Variants in ITGAL observed in about 807,000 individuals in gnomAD.
ITGAL encodes integrin alpha-L.
A neutral mutation model predicts 138.4 loss-of-function variants in ITGAL; 68 were observed. That is an observed-to-expected ratio of 0.49 (90% confidence interval 0.40 to 0.60). The LOEUF (loss-of-function observed/expected upper bound fraction) is 0.60, where lower values mean the gene tolerates loss of function less well. Ranked by LOEUF, ITGAL falls within the 20% of genes least tolerant of loss-of-function variation. The pLI is 0.00. For synonymous variants in ITGAL, 561 were observed against 584.3 expected, an observed-to-expected ratio of 0.96 and a Z score of 0.57; for missense variants, 1,256 against 1,478.6, an observed-to-expected ratio of 0.85 and a Z score of 2.47.
chr16:30,474,003 A>G (rs2050429648), intron 1 of ITGAL, 193 bp from the exon 2 acceptor site: 1 of 690,834 alleles, frequency 1.4e-6, no homozygotes, highest in Non-Finnish European at 2.6e-6. Flanking sequence ...GGCCCTGGGA[A>G]GAGCTTTCAG....
chr16:30,502,767 A>G (rs2050923573), intron 17 of ITGAL, among the ~76,000 whole-genome samples: 1 of 151,690 alleles, frequency 6.6e-6, no homozygotes. Context: ...AAAAAAATTC[A>G]TATAAGACAG....
chr16:30,476,922 C>T (rs1425544311), intron 4 of ITGAL, among the ~76,000 whole-genome samples: 1 of 152,136 alleles, frequency 6.6e-6, no homozygotes, highest in Admixed American at 6.6e-5. Flanking sequence ...GCATGAGCTA[C>T]CACACCTGGT....
chr16:30,492,657 C>T (rs996770717), intron 11 of ITGAL, among the ~76,000 whole-genome samples: 3 of 144,580 alleles, frequency 2.1e-5, no homozygotes, highest in Non-Finnish European at 3.0e-5. Context: ...CCTGGGTTCA[C>T]GCCATTCTCC....
chr16:30,475,257 T>C (rs371912334), intron 2 of ITGAL, 49 bp from the exon 3 acceptor site: 1 of 1,311,016 alleles, frequency 7.6e-7, no homozygotes, highest in South Asian at 1.2e-5. Context: ...CAGGAGTAGA[T>C]GGGTACAGAT....
rs754571775 is a variant in ITGAL at position 30,504,249 on chromosome 16, G to A, written c.2220G>A (p.Pro740=). 23 of 1,612,756 alleles carry A rather than the reference G, an allele frequency of 1.4e-5. No homozygotes were observed. Among genetic ancestry groups the A allele is most frequent in the Middle Eastern group, 1.6e-4 (1 of 6,080 alleles). The change falls in exon 18 of 31, where the codon CCG becomes CCA. Residue 740 remains proline (P), a synonymous_variant. Transcript: ENST00000356798. The part of the protein sequence containing the change: ...NFSLWEEEGT[P]RDQRAQGKDI... ...CTCTTTGGGAGGAGGAAGGGACACC[G>A]AGGGACCAAAGGGCGGTAAGAAGAG...
chr16:30,520,005 G>A lies in ITGAL; in HGVS notation c.3339+38G>A, dbSNP rs753340062. The A allele has an allele frequency of 7.0e-6, 10 of 1,433,934 alleles. No homozygotes were observed. In the Admixed American group the frequency reaches 1.7e-4, roughly 24 times the overall value. 88.8% of individuals were successfully genotyped at this position (1,433,934 alleles called of 1,614,324 possible). ...GGGGGTCACAGGCATTGCTGAGACA[G>A]CCAGGCTGGGGAAGGGGATCTGGTG... On this transcript the variant is annotated intron_variant, in intron 30 of 30. Transcript: ENST00000356798.
chr16:30,507,590 CTG>C (rs1348290059), intron 21 of ITGAL, among the ~76,000 whole-genome samples: 9 of 151,662 alleles, frequency 5.9e-5, no homozygotes, highest in African/African-American at 2.2e-4. Flanking sequence ...GCAGAGGCTA[CTG>C]TGAGTCAAGA....
intron 21 of ITGAL, among the ~76,000 whole-genome samples, chr16:30,509,018 A>T (rs151049875): frequency 1.4e-3 from 218 of 152,170 alleles, no homozygotes; most frequent in African/African-American, 4.8e-3. Flanking sequence ...CTCTACTAAA[A>T]ATACAAAAAT....
chr16:30,481,345 TAA>T (rs57608894), intron 6 of ITGAL, 92 bp from the exon 7 acceptor site: 91,859 of 445,860 alleles, frequency 0.21, 81 homozygotes, highest in South Asian at 0.25. Context: ...AAACTCCATC[TAA>T]AAAAAAAAAA....
chr16:30,499,713 G>GTGTATATATATATACGTA (rs1274863012), intron 17 of ITGAL, among the ~76,000 whole-genome samples: 2 of 103,226 alleles, frequency 1.9e-5, no homozygotes, highest in African/African-American at 4.5e-5. Context: ...ATATATATAT[G>GTGTATATATATATACGTA]TATATATATA....
chr16:30,510,797 T>G, intron 22 of ITGAL, 84 bp from the exon 23 acceptor site: 43 of 1,102,978 alleles, frequency 3.9e-5, no homozygotes, highest in Non-Finnish European at 5.5e-5. Flanking sequence ...AAGGGGTCCC[T>G]GAGATGATGG....
intron 15 of ITGAL, among the ~76,000 whole-genome samples, chr16:30,497,553 T>C (rs2050820460): frequency 6.6e-6 from 1 of 151,522 alleles, no homozygotes; most frequent in South Asian, 2.1e-4. Context: ...CTTGGCTCAC[T>C]GTAACCTCCA....
intron 6 of ITGAL, 94 bp from the exon 7 acceptor site, chr16:30,481,345 T>TAAAAA (rs57608894): frequency 8.9e-6 from 4 of 449,370 alleles, no homozygotes; most frequent in African/African-American, 3.3e-5. Context: ...AAACTCCATC[T>TAAAAA]AAAAAAAAAA....
At chr16:30,474,840 C>G (rs945273721) in intron 2 of ITGAL, among the ~76,000 whole-genome samples, 11 of 146,952 alleles carry the variant, frequency 7.5e-5, no homozygotes, top group African/African-American at 2.3e-4. Context: ...AGGACGGAGG[C>G]ATCTTCTTTT....
chr16:30,479,570 A>G, intron 6 of ITGAL, 109 bp downstream of exon 6: 3 of 1,096,100 alleles, frequency 2.7e-6, no homozygotes, highest in Non-Finnish European at 3.9e-6. Context: ...GCCTATGGGC[A>G]TGGCTATAAC....
intron 18 of ITGAL, chr16:30,505,029 A>G: frequency 2.6e-6 from 1 of 382,450 alleles, no homozygotes; most frequent in Non-Finnish European, 4.7e-6. Flanking sequence ...AAAAAAAAAA[A>G]AAAAAAAGAG....
intron 11 of ITGAL, among the ~76,000 whole-genome samples, chr16:30,492,863 G>GA (rs2050744234): frequency 1.3e-5 from 2 of 151,886 alleles, no homozygotes; most frequent in Admixed American, 6.6e-5. Flanking sequence ...CTTTAAGCAT[G>GA]AAAATTTTTC....
rs1464594834 is a variant in ITGAL at position 30,481,590 on chromosome 16, T to C, written c.722+6T>C. On this transcript the variant is annotated splice_donor_region_variant and intron_variant, in intron 7 of 30. Coordinates refer to ENST00000356798, the MANE Select transcript of ITGAL (RefSeq NM_002209.3). ...GGTGCCATCAATTATGTCGCGTGAG[T>C]TCCCTTTTGCAGGAGAGCACGTGTC... 14 of 1,613,296 alleles carry C rather than the reference T, an allele frequency of 8.7e-6. No homozygotes were observed. The highest frequency in any genetic ancestry group is 1.2e-5 in the Non-Finnish European group (14 of 1,179,674).
At position 30,502,678 on chromosome 16, in the gene ITGAL, G is replaced by A. The variant is rs537831137; in HGVS notation, c.2146-1497G>A. On this transcript the variant is annotated intron_variant, in intron 17 of 30. Transcript: ENST00000356798. ...CAGGAGAATCATTTGAACCCAGGAG[G>A]CGGAGGTTGCAGTGAGCTGAGATTG... Among the ~76,000 whole-genome samples, 792 of 151,776 alleles carry A rather than the reference G, an allele frequency of 5.2e-3. 3 individuals carry two copies. The highest frequency in any genetic ancestry group is 8.4e-3 in the Non-Finnish European group (568 of 67,960).
Sources: gnomAD v4.1 joint callset for allele counts (sites outside exome capture counted in the v4.1 genomes callset) on GRCh38, gnomAD v4.1.1 for gene constraint, MANE v1.5 for transcripts, NCBI Gene and HGNC (gene_info 2026-07-23, HGNC 2026-07-21) for gene names.